DNAH8: variants seen among roughly 807,000 people sequenced by gnomAD.
The protein encoded by DNAH8 is axonemal beta dynein heavy chain 8.
A neutral mutation model predicts 562.1 loss-of-function variants in DNAH8; 382 were observed. The ratio of observed to expected loss-of-function variants is 0.68; its 90% confidence interval spans 0.63 to 0.74. The LOEUF is 0.74. Ranked by LOEUF, DNAH8 falls within the 30% of genes least tolerant of loss-of-function variation. The pLI, the probability that DNAH8 is intolerant of heterozygous loss-of-function variation, is 0.00. For missense variants in DNAH8, 5,203 were observed against 5,620.4 expected, an observed-to-expected ratio of 0.93 and a Z score of 2.37; for synonymous variants, 1,881 against 1,919.4, an observed-to-expected ratio of 0.98 and a Z score of 0.52.
chr6:38,999,401 T>G (rs1257123567), intron 88 of DNAH8, among the ~76,000 whole-genome samples: 7 of 114,174 alleles, frequency 6.1e-5, no homozygotes, highest in African/African-American at 1.7e-4. Flanking sequence ...ATGGGGGCTG[T>G]TTTTTTTTTT....
chr6:38,715,930 ATATATATATATATAT>A (rs1762262122), intron 1 of DNAH8, among the ~76,000 whole-genome samples: 1 of 24,928 alleles, frequency 4.0e-5, no homozygotes, highest in Non-Finnish European at 7.2e-5. Flanking sequence ...AAATAAATAT[ATATATATATATATAT>A]ATATATATAT....
At chr6:38,834,503 A>C in intron 31 of DNAH8, 76 bp from the exon 32 acceptor site, 1 of 993,206 alleles carries the variant, frequency 1.0e-6, no homozygotes, top group Non-Finnish European at 1.5e-6. Flanking sequence ...CTTAAATGGA[A>C]ATAATAGATA....
At chr6:38,940,425 G>C (rs930788055) in intron 79 of DNAH8, among the ~76,000 whole-genome samples, 2 of 152,148 alleles carry the variant, frequency 1.3e-5, no homozygotes, top group Non-Finnish European at 2.9e-5. Flanking sequence ...TGTGATTTTA[G>C]GACCTGTTTA....
chr6:38,844,804 C>G (rs899764290), intron 35 of DNAH8, among the ~76,000 whole-genome samples: 3 of 152,196 alleles, frequency 2.0e-5, no homozygotes, highest in African/African-American at 7.2e-5. Flanking sequence ...TTTCCTCTTC[C>G]TCCCAGAGAG....
intron 62 of DNAH8, among the ~76,000 whole-genome samples, chr6:38,902,590 G>A (rs983219585): frequency 1.3e-5 from 2 of 152,092 alleles, no homozygotes; most frequent in Non-Finnish European, 2.9e-5. Flanking sequence ...ACCCTACCTA[G>A]CATGTCAAGC....
intron 91 of DNAH8, among the ~76,000 whole-genome samples, chr6:39,024,005 G>C (rs1174075971): frequency 2.6e-5 from 4 of 152,148 alleles, no homozygotes; most frequent in Non-Finnish European, 5.9e-5. Flanking sequence ...TCCCCATTAG[G>C]GAGAAGATAA....
At position 38,886,996 on chromosome 6, in the gene DNAH8, A is replaced by C. The variant is rs1778977089; in HGVS notation, c.8465A>C (p.Lys2822Thr). The C allele has an allele frequency of 6.2e-7, 1 of 1,600,618 alleles. No individual in the cohort carries two copies. ...CTLPSNASID[K>T]IFGIIGCGYF... is the part of the protein sequence containing the mutation. The stretch of plus-strand genomic sequence containing the variant: ...TTGCCTTCAAATGCTTCAATAGACA[A>C]AATTTTTGGTATGAATATTCTTAGC... The change falls in exon 57 of 93, where the codon AAA becomes ACA. Residue 2822 changes from lysine (K) to threonine (T), a missense_variant. Lys to Thr is a moderately conservative substitution (Grantham distance 78). This residue lies in a region of DNAH8 where 977 missense variants were observed against 1,061.8 expected (regional missense o/e 0.92). Transcript: ENST00000327475.
chr6:38,757,861 G>A (rs2127602966), intron 10 of DNAH8, among the ~76,000 whole-genome samples: 1 of 152,258 alleles, frequency 6.6e-6, no homozygotes, highest in Non-Finnish European at 1.5e-5. Context: ...TGAGGGCTCT[G>A]TTCTGTTCCA....
chr6:38,923,035 A>G (rs541764263), intron 71 of DNAH8, 23 bp from the exon 72 acceptor site: 1 of 1,597,982 alleles, frequency 6.3e-7, no homozygotes, highest in Admixed American at 1.8e-5. Context: ...GTTTTTTGAG[A>G]CATTCTCCCA....
In DNAH8 at chr6:38,921,395, G is replaced by T; in HGVS notation, c.10551G>T (p.Arg3517=). 1.2e-6 allele frequency: 2 copies of T among 1,613,736 alleles called. No individual in the cohort carries two copies. The highest frequency in any genetic ancestry group is 1.7e-6 in the Non-Finnish European group (2 of 1,179,852). Reference sequence around the variant, plus strand: ...CCAACCTGGCCAAGCAGGAAGGCCGGTTAGCAGTTGCTAATGCTGAGTTAG... The same window carrying T: ...CCAACCTGGCCAAGCAGGAAGGCCGTTTAGCAGTTGCTAATGCTGAGTTAG... ...LKANLAKQEG[R]LAVANAELGK... is the part of the protein sequence containing the mutation. Residue 3517 remains arginine, a synonymous_variant, in exon 71 of 93, where the codon CGG becomes CGT. Coordinates refer to ENST00000327475, the MANE Select transcript of DNAH8 (RefSeq NM_001206927.2).
rs141672135 is a variant in DNAH8, at chr6:38,883,448, A to T, written c.8128A>T (p.Met2710Leu). The change falls in exon 55 of 93, where the codon ATG (methionine) becomes TTG (leucine). Residue 2710 changes from methionine to leucine, a missense_variant. Met to Leu is a conservative substitution (Grantham distance 15). Around this residue, in one of 6 missense-constraint regions of DNAH8, gnomAD observed 977 missense variants for 1,061.8 expected, o/e 0.92. Transcript: ENST00000327475. The part of the protein sequence containing the change: ...LNFSSATEPM[M>L]FQRTIESYVD... ...CTTTTCATCTGCCACAGAACCAATG[A>T]TGTTTCAGGTGAAATCCATCATTTG... is the stretch of plus-strand genomic sequence containing the variant. 6.2e-7 allele frequency: 1 copy of T among 1,607,026 alleles called. No individual in the cohort carries two copies. The highest frequency in any genetic ancestry group is 2.2e-5 in the East Asian group (1 of 44,732).
At chr6:38,719,631 C>A (rs2127560792) in intron 1 of DNAH8, among the ~76,000 whole-genome samples, 1 of 152,232 alleles carries the variant, frequency 6.6e-6, no homozygotes, top group Admixed American at 6.5e-5. Flanking sequence ...AAGTTGTATT[C>A]TTAAGACAAG....
In DNAH8 at chr6:38,902,427, A is replaced by G. The variant is rs116684447; in HGVS notation, c.9194+2521A>G. On this transcript the variant is annotated intron_variant, in intron 62 of 92. Coordinates refer to ENST00000327475, the MANE Select transcript of DNAH8 (RefSeq NM_001206927.2). ...TACCAGTCAACAAGGGACCACTCCTATGCCCCAGAGGCTGCTGAAATTATT... is the reference window on the plus strand; with the variant it reads ...TACCAGTCAACAAGGGACCACTCCTGTGCCCCAGAGGCTGCTGAAATTATT... 2.2e-3 allele frequency among the ~76,000 whole-genome samples: 329 copies of G among 152,312 alleles called. 1 individual carries two copies. Among genetic ancestry groups the G allele is most frequent in the African/African-American group, 7.4e-3 (307 of 41,566 alleles).
chr6:38,835,579 C>T (rs1774209863), intron 32 of DNAH8, among the ~76,000 whole-genome samples: 1 of 152,066 alleles, frequency 6.6e-6, no homozygotes, highest in South Asian at 2.1e-4. Context: ...TTAGAGTTAG[C>T]CAGGGGAAGA....
In DNAH8 at chr6:38,848,754, C is replaced by T; in HGVS notation, c.5152C>T (p.Leu1718Phe). Reference sequence around the variant, plus strand: ...CGTAGTACAGAACCTTTGGGTTTATCTTGAAGCCGTCTTTGTAGGTGGAGA... The same window carrying T: ...CGTAGTACAGAACCTTTGGGTTTATTTTGAAGCCGTCTTTGTAGGTGGAGA... Reference protein sequence around the residue: ...WLVVQNLWVYLEAVFVGGDIA... With the variant: ...WLVVQNLWVYFEAVFVGGDIA... The change falls in exon 37 of 93, where the codon CTT (leucine) becomes TTT (phenylalanine). Residue 1718 changes from leucine to phenylalanine, a missense_variant. Physicochemically the swap from Leu to Phe is conservative, Grantham distance 22. This residue lies in a region of DNAH8 where 2,176 missense variants were observed against 2,365.1 expected (regional missense o/e 0.92). Coordinates refer to ENST00000327475, the MANE Select transcript of DNAH8 (RefSeq NM_001206927.2). 1 of 1,613,468 alleles carries T rather than the reference C, an allele frequency of 6.2e-7. No homozygotes were observed. The highest frequency in any genetic ancestry group is 8.5e-7 in the Non-Finnish European group (1 of 1,179,592).
intron 27 of DNAH8, 63 bp downstream of exon 27, chr6:38,823,097 C>G: frequency 7.1e-7 from 1 of 1,405,186 alleles, no homozygotes; most frequent in African/African-American, 1.4e-5. Flanking sequence ...TGAGGGTGGA[C>G]CAGGAAAATA....
At chr6:38,738,018 G>T in intron 7 of DNAH8, 46 bp downstream of exon 7, 1 of 1,572,334 alleles carries the variant, frequency 6.4e-7, no homozygotes, top group Non-Finnish European at 8.7e-7. Context: ...GTTTTCATGT[G>T]CATCCTAGCC....
intron 83 of DNAH8, among the ~76,000 whole-genome samples, chr6:38,973,069 G>A (rs73410602): frequency 1.3e-5 from 2 of 152,084 alleles, no homozygotes; most frequent in Non-Finnish European, 2.9e-5. Flanking sequence ...GGGCAGTGAT[G>A]GTTTTGTGAC....
intron 21 of DNAH8, among the ~76,000 whole-genome samples, chr6:38,797,909 G>C (rs916504016): frequency 6.6e-6 from 1 of 152,030 alleles, no homozygotes; most frequent in African/African-American, 2.4e-5. Flanking sequence ...ATCACTCGCA[G>C]CTGCCACGCC....
Sources: gnomAD v4.1 joint callset for allele counts (sites outside exome capture counted in the v4.1 genomes callset) on GRCh38, gnomAD v4.1.1 for gene constraint, gnomAD v4.1.1 regional missense constraint, MANE v1.5 for transcripts, NCBI Gene and HGNC (gene_info 2026-07-23, HGNC 2026-07-21) for gene names.